MLIP: variants seen among roughly 807,000 people sequenced by gnomAD.
MLIP encodes muscular LMNA interacting protein, also known as muscular LMNA-interacting protein.
In MLIP, 79 loss-of-function variants were observed where a neutral mutation model predicts 84.8. That is an observed-to-expected ratio of 0.93 (90% CI 0.78 to 1.12). The LOEUF (loss-of-function observed/expected upper bound fraction) is 1.12, where lower values mean the gene tolerates loss of function less well. Ranked by LOEUF, MLIP falls within the 50% of genes most tolerant of loss-of-function variation. The probability of loss-of-function intolerance (pLI) is 0.00; values close to 1 mark genes in which losing one functional copy is unlikely to be tolerated. For synonymous variants in MLIP, 504 were observed against 463.0 expected, an observed-to-expected ratio of 1.09 and a Z score of -1.14; for missense variants, 1,257 against 1,160.6, an observed-to-expected ratio of 1.08 and a Z score of -1.21.
chr6:54,149,959 A>G (rs1333387691), intron 5 of MLIP, among the ~76,000 whole-genome samples: 1 of 152,102 alleles, frequency 6.6e-6, no homozygotes, highest in Non-Finnish European at 1.5e-5. Context: ...ATGATTATGT[A>G]TTTAGTCAAT....
intron 1 of MLIP, among the ~76,000 whole-genome samples, chr6:54,072,115 A>AC (rs559974948): frequency 1.6e-4 from 24 of 151,906 alleles, no homozygotes; most frequent in East Asian, 5.8e-4. Flanking sequence ...GATTCCAGTG[A>AC]CCCCCCACTG....
At chr6:54,220,922 T>TACAC (rs143689632) in intron 11 of MLIP, among the ~76,000 whole-genome samples, 39 of 150,602 alleles carry the variant, frequency 2.6e-4, no homozygotes, top group East Asian at 1.6e-3. Context: ...AAAGGAGATA[T>TACAC]ACACACACAC....
intron 1 of MLIP, among the ~76,000 whole-genome samples, chr6:54,074,013 T>C (rs1291647900): frequency 1.3e-5 from 2 of 152,264 alleles, no homozygotes; most frequent in Non-Finnish European, 2.9e-5. Context: ...TAAACCAATG[T>C]AAGTTTTACT....
At chr6:54,198,580 G>A (rs1164325084) in intron 10 of MLIP, among the ~76,000 whole-genome samples, 1 of 152,064 alleles carries the variant, frequency 6.6e-6, no homozygotes, top group East Asian at 1.9e-4. Flanking sequence ...TTCCTGAGGG[G>A]TCGGAAAGGT....
chr6:54,253,394 G>T (rs951080110), intron 12 of MLIP, among the ~76,000 whole-genome samples: 9 of 152,068 alleles, frequency 5.9e-5, no homozygotes, highest in African/African-American at 2.2e-4. Context: ...GTGAATTCTG[G>T]ATGGAATGTA....
intron 3 of MLIP, among the ~76,000 whole-genome samples, chr6:54,133,849 A>G (rs1771587790): frequency 6.6e-6 from 1 of 152,098 alleles, no homozygotes; most frequent in Non-Finnish European, 1.5e-5. Context: ...AGGAGAAGAG[A>G]GTTTTGAAAA....
intron 5 of MLIP, among the ~76,000 whole-genome samples, chr6:54,149,938 A>G (rs924903923): frequency 9.9e-5 from 15 of 152,140 alleles, no homozygotes; most frequent in African/African-American, 2.9e-4. Context: ...TTCATTTCAT[A>G]TATTATTTTT....
At chr6:54,091,026 C>T (rs144976853) in intron 1 of MLIP, among the ~76,000 whole-genome samples, 8 of 152,138 alleles carry the variant, frequency 5.3e-5, no homozygotes, top group South Asian at 4.1e-4. Context: ...TGCCAGGAAC[C>T]GTGCTGTGAG....
chr6:54,146,894 A>C (rs1227643862), intron 4 of MLIP, among the ~76,000 whole-genome samples: 1 of 152,322 alleles, frequency 6.6e-6, no homozygotes, highest in East Asian at 1.9e-4. Context: ...GCCTGTGTCC[A>C]AATTCCAGCC....
At chr6:54,046,498 A>G (rs1765061458) in intron 1 of MLIP, 1 of 152,198 alleles carries the variant, frequency 6.6e-6, no homozygotes, top group African/African-American at 2.4e-5. Context: ...TTCTTAATGT[A>G]TGATGGTATT....
intron 9 of MLIP, among the ~76,000 whole-genome samples, chr6:54,179,216 T>C (rs1776603750): frequency 6.6e-6 from 1 of 152,224 alleles, no homozygotes; most frequent in Admixed American, 6.5e-5. Flanking sequence ...GTATAGCTAC[T>C]TGTGCTCTAT....
At position 54,138,306 on chromosome 6, in the gene MLIP, T is replaced by C; in HGVS notation, c.2217+20T>C. The C allele has an allele frequency of 6.6e-7, 1 of 1,507,250 alleles. No individual in the cohort carries two copies. Among genetic ancestry groups the C allele is most frequent in the Non-Finnish European group, 8.8e-7 (1 of 1,133,134 alleles). 93.4% of individuals were successfully genotyped at this position (1,507,250 alleles called of 1,614,324 possible). The stretch of plus-strand genomic sequence containing the variant: ...TCAAAGGTATTTTTTGCATGTTGCA[T>C]GGTGCATGCTTATTTTGAAACAGGG... On this transcript the variant is annotated intron_variant, in intron 4 of 13. Coordinates refer to ENST00000502396, the MANE Select transcript of MLIP (RefSeq NM_001281747.2).
At chr6:54,107,482 C>A (rs965974519), upstream of MLIP, among the ~76,000 whole-genome samples, 1 of 152,124 alleles carries the variant, frequency 6.6e-6, no homozygotes, top group Non-Finnish European at 1.5e-5. Context: ...TCTGGAATCA[C>A]CCATTACCTG....
At chr6:54,029,654 C>T (rs889198107) in intron 1 of MLIP, among the ~76,000 whole-genome samples, 2 of 152,018 alleles carry the variant, frequency 1.3e-5, no homozygotes, top group African/African-American at 2.4e-5. Context: ...TTCAGGGTAT[C>T]ATACTATATA....
At chr6:54,251,356 C>A (rs1782465224) in intron 12 of MLIP, among the ~76,000 whole-genome samples, 1 of 147,202 alleles carries the variant, frequency 6.8e-6, no homozygotes, top group South Asian at 2.1e-4. Flanking sequence ...GTTCCTCTAG[C>A]ACATTGTGAT....
At chr6:54,244,950 A>C (rs1781978667) in intron 12 of MLIP, among the ~76,000 whole-genome samples, 1 of 152,186 alleles carries the variant, frequency 6.6e-6, no homozygotes. Context: ...GGCTGCAGGT[A>C]GGCAGGATAA....
In MLIP at chr6:54,136,872, G is replaced by A; in HGVS notation, c.803G>A (p.Gly268Glu). 1 of 1,535,240 alleles carries A rather than the reference G, an allele frequency of 6.5e-7. No homozygotes were observed. Among genetic ancestry groups the A allele is most frequent in the Non-Finnish European group, 8.7e-7 (1 of 1,146,214 alleles). Residue 268 changes from glycine to glutamate, a missense_variant, in exon 4 of 14, where the codon GGG (glycine) becomes GAG (glutamate). Physicochemically the swap from Gly to Glu is moderately conservative, Grantham distance 98. Transcript: ENST00000502396. The stretch of plus-strand genomic sequence containing the variant: ...CACACTAGGAGGCTGGATGTCGGTG[G>A]GGCCGTGGTGGAAGAATCAGCTACG... Reference protein sequence around the residue: ...EFHTRRLDVGGAVVEESATYF... With the variant: ...EFHTRRLDVGEAVVEESATYF...
intron 9 of MLIP, among the ~76,000 whole-genome samples, chr6:54,186,502 C>G (rs971017570): frequency 6.6e-5 from 10 of 152,240 alleles, no homozygotes; most frequent in African/African-American, 2.4e-4. Flanking sequence ...CTGTCTGAGA[C>G]TGGGTAATTT....
intron 1 of MLIP, among the ~76,000 whole-genome samples, chr6:54,091,550 A>G (rs1473588640): frequency 7.9e-5 from 12 of 152,178 alleles, no homozygotes; most frequent in Admixed American, 2.0e-4. Flanking sequence ...AGTCTTGCCT[A>G]TAGGATAGAA....
Sources: allele counts gnomAD v4.1 joint callset (sites outside exome capture counted in the v4.1 genomes callset), GRCh38; gene constraint gnomAD v4.1.1; transcripts MANE v1.5; gene names NCBI Gene and HGNC (gene_info 2026-07-23, HGNC 2026-07-21).